Variants in FOXO3 observed in about 807,000 individuals in gnomAD.
The protein encoded by FOXO3 is forkhead box O3.
FOXO3 carries 4 observed loss-of-function variants against 41.9 expected under a neutral mutation model. That is an observed-to-expected ratio of 0.10 (90% CI 0.05 to 0.22). The LOEUF is 0.22. FOXO3 is among the 10% of genes least tolerant of loss of function. The pLI, the probability that FOXO3 is intolerant of heterozygous loss-of-function variation, is 1.00. For synonymous variants in FOXO3, 318 were observed against 389.3 expected (o/e 0.82, Z 2.16); for missense variants, 534 against 906.8 (o/e 0.59, Z 5.28).
chr6:108,643,464 A>G (rs1292317002), intron 1 of FOXO3, among the ~76,000 whole-genome samples: 1 of 152,196 alleles, frequency 6.6e-6, no homozygotes, highest in Non-Finnish European at 1.5e-5. Context: ...AGTGTTCCAA[A>G]GTGAATGTGA....
At chr6:108,581,395 G>A (rs1582743222) in intron 1 of FOXO3, among the ~76,000 whole-genome samples, 1 of 152,270 alleles carries the variant, frequency 6.6e-6, no homozygotes, top group Admixed American at 6.5e-5. Flanking sequence ...TTGTGTGATT[G>A]TGATGAAATA....
At position 108,619,928 on chromosome 6, in the gene FOXO3, A is replaced by G. The variant is rs113090615; in HGVS notation, c.622-43527A>G. Among the ~76,000 whole-genome samples the G allele has an allele frequency of 2.9e-3, 448 of 152,330 alleles. 1 individual carries two copies. The highest frequency in any genetic ancestry group is 8.3e-3 in the South Asian group (40 of 4,830). On this transcript the variant is annotated intron_variant, in intron 1 of 2. Coordinates refer to ENST00000406360, the MANE Select transcript of FOXO3 (RefSeq NM_001455.4). Reference sequence around the variant, plus strand: ...GCAAATCAGTCTTCTGTACATGGCAAGCTAAGATGTGGCACCATCTTCTTG... The same window carrying G: ...GCAAATCAGTCTTCTGTACATGGCAGGCTAAGATGTGGCACCATCTTCTTG...
At chr6:108,670,584 G>A (rs1779189985) in intron 2 of FOXO3, among the ~76,000 whole-genome samples, 1 of 152,018 alleles carries the variant, frequency 6.6e-6, no homozygotes, top group Admixed American at 6.6e-5. Flanking sequence ...AGCCTTAAAG[G>A]TTAATACACA....
chr6:108,561,745 T>G lies in FOXO3; in HGVS notation c.537T>G (p.Thr179=). ...AIESSPDKRL[T]LSQIYEWMVR... is the part of the protein sequence containing the mutation. ...AGAGCTCCCCGGACAAACGGCTCAC[T>G]CTGTCCCAGATCTACGAGTGGATGG... The change falls in exon 1 of 3, where the codon ACT becomes ACG. Residue 179 remains threonine, a synonymous_variant. Transcript: ENST00000406360. 2.5e-6 allele frequency: 4 copies of G among 1,607,898 alleles called. No homozygotes were observed. Among genetic ancestry groups the G allele is most frequent in the Non-Finnish European group, 3.4e-6 (4 of 1,177,642 alleles).
rs1582847846 is a variant in FOXO3 at position 108,681,413 on chromosome 6, T to C, written c.*1621T>C. On this transcript the variant is annotated 3_prime_UTR_variant, in exon 3 of 3. Transcript: ENST00000406360. ...CAGACTTCCCTGCTTGAGTTCTTGC[T>C]GATGCTTGCACCGTGACAGTGGGCA... is the stretch of plus-strand genomic sequence containing the variant. 1 of 152,536 alleles carries C rather than the reference T, an allele frequency of 6.6e-6. No individual in the cohort carries two copies. Among genetic ancestry groups the C allele is most frequent in the East Asian group, 1.9e-4 (1 of 5,186 alleles). The allele number at this position is 152,536 out of a possible 1,614,324, so 9.4% of individuals were successfully genotyped here.
intron 2 of FOXO3, among the ~76,000 whole-genome samples, chr6:108,677,111 G>T (rs1233996898): frequency 6.6e-6 from 1 of 152,210 alleles, no homozygotes; most frequent in Non-Finnish European, 1.5e-5. Flanking sequence ...CACCAAGGTG[G>T]TTTCCTGAGC....
chr6:108,669,769 C>A (rs1263380051), intron 2 of FOXO3, among the ~76,000 whole-genome samples: 2 of 152,162 alleles, frequency 1.3e-5, no homozygotes, highest in African/African-American at 4.8e-5. Context: ...AGCATGAAGG[C>A]TGCTCTTCCT....
chr6:108,653,117 A>C (rs1778589915), intron 1 of FOXO3, among the ~76,000 whole-genome samples: 1 of 152,180 alleles, frequency 6.6e-6, no homozygotes. Context: ...CCTGAGAACA[A>C]CCTAGATGCT....
intron 1 of FOXO3, among the ~76,000 whole-genome samples, chr6:108,621,881 A>T (rs1425260388): frequency 6.6e-6 from 1 of 152,134 alleles, no homozygotes; most frequent in Non-Finnish European, 1.5e-5. Context: ...AGACATGTTC[A>T]TGTGACATTA....
At chr6:108,594,761 T>C (rs1776829403) in intron 1 of FOXO3, among the ~76,000 whole-genome samples, 1 of 152,190 alleles carries the variant, frequency 6.6e-6, no homozygotes, top group Non-Finnish European at 1.5e-5. Flanking sequence ...GCAGAATGGC[T>C]AGGCACTGGC....
intron 1 of FOXO3, among the ~76,000 whole-genome samples, chr6:108,600,591 A>G (rs535355941): frequency 2.3e-4 from 34 of 149,666 alleles, no homozygotes; most frequent in African/African-American, 7.8e-4. Flanking sequence ...TGTTCATTGT[A>G]GAAAATTTAG....
chr6:108,662,619 C>T (rs1031851525), intron 1 of FOXO3, among the ~76,000 whole-genome samples: 2 of 152,174 alleles, frequency 1.3e-5, no homozygotes, highest in Non-Finnish European at 2.9e-5. Context: ...AAATTCTCAT[C>T]GGTTCTTCAT....
At chr6:108,600,440 C>T (rs1247033708) in intron 1 of FOXO3, among the ~76,000 whole-genome samples, 1 of 149,652 alleles carries the variant, frequency 6.7e-6, no homozygotes, top group Non-Finnish European at 1.5e-5. Flanking sequence ...CCAGCTGCTC[C>T]GGAGACTGAG....
chr6:108,624,043 A>G (rs1777745536), intron 1 of FOXO3, among the ~76,000 whole-genome samples: 1 of 152,216 alleles, frequency 6.6e-6, no homozygotes, highest in Non-Finnish European at 1.5e-5. Context: ...TGTCAGGAAT[A>G]TCATAAAATC....
chr6:108,674,703 C>T (rs375104902), intron 2 of FOXO3, among the ~76,000 whole-genome samples: 9 of 152,236 alleles, frequency 5.9e-5, no homozygotes, highest in South Asian at 4.1e-4. Context: ...CCTGACCCAT[C>T]GGACAAGCGG....
intron 1 of FOXO3, among the ~76,000 whole-genome samples, chr6:108,582,027 C>T (rs1776434551): frequency 6.6e-6 from 1 of 152,108 alleles, no homozygotes; most frequent in Admixed American, 6.5e-5. Context: ...GCTGCATACT[C>T]TCCAAGAAAA....
intron 1 of FOXO3, among the ~76,000 whole-genome samples, chr6:108,582,763 C>T (rs1311913829): frequency 6.6e-6 from 1 of 151,904 alleles, no homozygotes; most frequent in Non-Finnish European, 1.5e-5. Flanking sequence ...AAAAACAGGA[C>T]GGTAGGCCAG....
chr6:108,619,360 C>G (rs1350701244), intron 1 of FOXO3, among the ~76,000 whole-genome samples: 1 of 152,260 alleles, frequency 6.6e-6, no homozygotes. Context: ...TGGCTCTTCT[C>G]ATTCTTTAGT....
At chr6:108,642,970 C>G (rs879478905) in intron 1 of FOXO3, among the ~76,000 whole-genome samples, 1 of 152,160 alleles carries the variant, frequency 6.6e-6, no homozygotes, top group Non-Finnish European at 1.5e-5. Flanking sequence ...TGTTTGCATA[C>G]AGATTGAGCA....
Sources: gnomAD v4.1 joint callset for allele counts (sites outside exome capture counted in the v4.1 genomes callset) on GRCh38, gnomAD v4.1.1 for gene constraint, MANE v1.5 for transcripts, NCBI Gene and HGNC (gene_info 2026-07-23, HGNC 2026-07-21) for gene names.